The following SKAP2 variants were observed in gnomAD, a reference collection of about 807,000 sequenced individuals.
SKAP2 encodes src kinase-associated phosphoprotein 2.
In SKAP2, 28 loss-of-function variants were observed where a neutral mutation model predicts 54.9. That is an observed-to-expected ratio of 0.51 (90% CI 0.38 to 0.70). The LOEUF (loss-of-function observed/expected upper bound fraction) is 0.70, where lower values mean the gene tolerates loss of function less well. Among genes scored for constraint, SKAP2 ranks in the 30% least tolerant of loss-of-function variants. The pLI, the probability that SKAP2 is intolerant of heterozygous loss-of-function variation, is 0.00. For synonymous variants in SKAP2, 137 were observed against 134.3 expected (o/e 1.02, Z -0.14); for missense variants, 356 against 424.1 (o/e 0.84, Z 1.41).
At chr7:26,833,578 T>G (rs571302978) in intron 4 of SKAP2, among the ~76,000 whole-genome samples, 1 of 152,166 alleles carries the variant, frequency 6.6e-6, no homozygotes, top group African/African-American at 2.4e-5. Context: ...AATCCTAGTC[T>G]CTGATAAAAC....
chr7:26,683,965 G>C lies in SKAP2; in HGVS notation c.987+771C>G, dbSNP rs73683501. On this transcript the variant is annotated intron_variant, in intron 11 of 12. Coordinates refer to ENST00000345317, the MANE Select transcript of SKAP2 (RefSeq NM_003930.5). The stretch of plus-strand genomic sequence containing the variant: ...TGTTTCTAAAGTAGTCTTGTAAGTA[G>C]ACAGAGGGAAATTTTTAAATCCCCA... Among the ~76,000 whole-genome samples, 786 of 152,190 alleles carry C rather than the reference G, an allele frequency of 5.2e-3. 10 individuals carry two copies. The highest frequency in any genetic ancestry group is 0.017 in the African/African-American group (718 of 41,514).
chr7:26,727,732 T>G (rs965315046), intron 6 of SKAP2, among the ~76,000 whole-genome samples: 1 of 152,138 alleles, frequency 6.6e-6, no homozygotes, highest in African/African-American at 2.4e-5. Context: ...CAGATATTAT[T>G]TTAAAGACAA....
chr7:26,832,269 T>C (rs1289172164), intron 4 of SKAP2, among the ~76,000 whole-genome samples: 71 of 152,198 alleles, frequency 4.7e-4, no homozygotes, highest in Admixed American at 4.6e-3. Flanking sequence ...AACAGTTCCT[T>C]TCTATTGCTT....
chr7:26,815,364 G>A (rs982781417), intron 4 of SKAP2, among the ~76,000 whole-genome samples: 1 of 152,134 alleles, frequency 6.6e-6, no homozygotes, highest in Non-Finnish European at 1.5e-5. Flanking sequence ...TCTCAAGGTT[G>A]ACACATAATA....
chr7:26,722,250 A>G (rs1216472841), intron 9 of SKAP2, among the ~76,000 whole-genome samples: 1 of 152,246 alleles, frequency 6.6e-6, no homozygotes, highest in African/African-American at 2.4e-5. Context: ...AAGTTAGTTA[A>G]AAATAAATGA....
At chr7:26,662,057 T>C in the SKAP2 span, among the ~76,000 whole-genome samples, 1 of 152,092 alleles carries the variant, frequency 6.6e-6, no homozygotes, top group African/African-American at 2.4e-5. Flanking sequence ...TTCTTACTAC[T>C]ACTCACTTTC....
At chr7:26,660,010 GT>G in the SKAP2 span, among the ~76,000 whole-genome samples, 1 of 151,998 alleles carries the variant, frequency 6.6e-6, no homozygotes, top group Non-Finnish European at 1.5e-5. Flanking sequence ...CATGGTAATT[GT>G]TTTAGATGAG....
intron 4 of SKAP2, among the ~76,000 whole-genome samples, chr7:26,804,065 T>TTAA (rs763704907): frequency 2.0e-5 from 3 of 152,144 alleles, no homozygotes; most frequent in Admixed American, 1.3e-4. Context: ...AATAGGGTGA[T>TTAA]TATAGTCAAC....
chr7:26,658,311 C>G, the SKAP2 span, among the ~76,000 whole-genome samples: 4 of 152,188 alleles, frequency 2.6e-5, no homozygotes, highest in African/African-American at 7.2e-5. Context: ...GCAGGGGGTG[C>G]CATCTGTTTG....
At chr7:26,862,079 G>A (rs1196843836) in intron 1 of SKAP2, among the ~76,000 whole-genome samples, 2 of 151,844 alleles carry the variant, frequency 1.3e-5, no homozygotes, top group African/African-American at 2.4e-5. Flanking sequence ...AAATAAGCCA[G>A]CAATATCTCT....
intron 4 of SKAP2, among the ~76,000 whole-genome samples, chr7:26,757,918 C>T (rs559443910): frequency 5.2e-4 from 79 of 152,256 alleles, no homozygotes; most frequent in African/African-American, 1.7e-3. Context: ...CGTGCCACCA[C>T]GCCTGGCTAA....
chr7:26,773,989 T>A (rs1783244524), intron 4 of SKAP2, among the ~76,000 whole-genome samples: 1 of 152,106 alleles, frequency 6.6e-6, no homozygotes, highest in African/African-American at 2.4e-5. Context: ...TCTCCTACAC[T>A]CCAACTTTTT....
intron 4 of SKAP2, among the ~76,000 whole-genome samples, chr7:26,751,232 C>T (rs1482652978): frequency 2.6e-5 from 4 of 151,936 alleles, no homozygotes; most frequent in Admixed American, 6.5e-5. Flanking sequence ...TCCCATCTCC[C>T]AAAACAACCT....
chr7:26,735,127 G>C (rs1787898786), intron 6 of SKAP2, among the ~76,000 whole-genome samples: 1 of 152,042 alleles, frequency 6.6e-6, no homozygotes, highest in Non-Finnish European at 1.5e-5. Flanking sequence ...CTCTCTCACT[G>C]ATATCCACAA....
chr7:26,789,685 G>A lies in SKAP2; in HGVS notation c.308-49721C>T, dbSNP rs540746732. On this transcript the variant is annotated intron_variant, in intron 4 of 12. Coordinates refer to ENST00000345317, the MANE Select transcript of SKAP2 (RefSeq NM_003930.5). ...TCAAGCCTTAACCATCTGTCAACTG[G>A]CTTGAATTCAGCAGGCATGCTCCTG... is the stretch of plus-strand genomic sequence containing the variant. 2.8e-4 allele frequency among the ~76,000 whole-genome samples: 43 copies of A among 152,180 alleles called. 2 individuals are homozygous for A. In the South Asian group the frequency reaches 7.0e-3, roughly 25 times the overall value.
intron 3 of SKAP2, among the ~76,000 whole-genome samples, chr7:26,846,134 G>A (rs1256766703): frequency 4.0e-5 from 6 of 151,754 alleles, no homozygotes; most frequent in African/African-American, 1.5e-4. Flanking sequence ...AATTTTTGTG[G>A]TATGAATTTT....
At chr7:26,797,797 C>A (rs1272024728) in intron 4 of SKAP2, among the ~76,000 whole-genome samples, 3 of 151,874 alleles carry the variant, frequency 2.0e-5, no homozygotes, top group Non-Finnish European at 4.4e-5. Context: ...AGAAGGAATT[C>A]TGAATTCTAT....
At chr7:26,658,152 A>G in the SKAP2 span, among the ~76,000 whole-genome samples, 2 of 152,312 alleles carry the variant, frequency 1.3e-5, no homozygotes, top group East Asian at 3.9e-4. Flanking sequence ...AGACGCAAAC[A>G]TAGCATTATT....
At chr7:26,836,407 A>G (rs1784713093) in intron 4 of SKAP2, among the ~76,000 whole-genome samples, 1 of 152,200 alleles carries the variant, frequency 6.6e-6, no homozygotes, top group Admixed American at 6.5e-5. Context: ...TGAACAGGCA[A>G]CCTACAGAAT....
Sources: allele counts gnomAD v4.1 joint callset (sites outside exome capture counted in the v4.1 genomes callset), GRCh38; gene constraint gnomAD v4.1.1; transcripts MANE v1.5; gene names NCBI Gene and HGNC (gene_info 2026-07-23, HGNC 2026-07-21).